DGCR2: variants seen among roughly 807,000 people sequenced by gnomAD.
DGCR2 encodes integral membrane protein DGCR2/IDD.
In DGCR2, 24 loss-of-function variants were observed where a neutral mutation model predicts 51.6. That is an observed-to-expected ratio of 0.47 (90% CI 0.34 to 0.65). DGCR2 has a LOEUF of 0.65. Among genes scored for constraint, DGCR2 ranks in the 30% least tolerant of loss-of-function variants. The pLI, the probability that DGCR2 is intolerant of heterozygous loss-of-function variation, is 0.01. For missense variants in DGCR2, 765 were observed against 772.1 expected, an observed-to-expected ratio of 0.99 and a Z score of 0.11; for synonymous variants, 340 against 315.4, an observed-to-expected ratio of 1.08 and a Z score of -0.82.
chr22:19,082,715 A>ACTCCAGC (rs1015503943), intron 2 of DGCR2, among the ~76,000 whole-genome samples: 12 of 151,532 alleles, frequency 7.9e-5, no homozygotes, highest in African/African-American at 2.2e-4. Context: ...GCACCACTGC[A>ACTCCAGC]CTCCAGCCTC....
At chr22:19,082,876 C>T (rs2082956462) in intron 2 of DGCR2, among the ~76,000 whole-genome samples, 1 of 152,108 alleles carries the variant, frequency 6.6e-6, no homozygotes, top group Non-Finnish European at 1.5e-5. Context: ...ACTGCTTAAA[C>T]TCGTGAGTTA....
chr22:19,041,123 G>A lies in DGCR2; in HGVS notation c.1331C>T (p.Pro444Leu). The change falls in exon 9 of 10, where the codon CCC (proline) becomes CTC (leucine). Residue 444 changes from proline (P) to leucine (L), a missense_variant. Physicochemically the swap from Pro to Leu is moderately conservative, Grantham distance 98. Transcript: ENST00000263196. ...CTCGTAGGGCGGCGGAGGGTCGTCG[G>A]GCTGGCCGATGTCCGGGTACTTGTA... is the stretch of plus-strand genomic sequence containing the variant. ...TAYKYPDIGQ[P>L]DDPPPPYEAS... is the part of the protein sequence containing the mutation. The A allele has an allele frequency of 6.2e-7, 1 of 1,613,938 alleles. No homozygotes were observed. Among genetic ancestry groups the A allele is most frequent in the Non-Finnish European group, 8.5e-7 (1 of 1,179,900 alleles).
At chr22:19,060,822 G>A (rs1423392079) in intron 5 of DGCR2, 3 of 504,830 alleles carry the variant, frequency 5.9e-6, no homozygotes, top group South Asian at 4.3e-5. Flanking sequence ...GCCTGGGGGA[G>A]CGCCTGGAGA....
intron 2 of DGCR2, among the ~76,000 whole-genome samples, chr22:19,088,144 T>C (rs1005143163): frequency 1.3e-5 from 2 of 152,204 alleles, no homozygotes; most frequent in Non-Finnish European, 2.9e-5. Flanking sequence ...ACTAAGCCTA[T>C]AGGAATTACA....
chr22:19,115,732 T>C (rs2083366719), intron 1 of DGCR2, among the ~76,000 whole-genome samples: 1 of 152,202 alleles, frequency 6.6e-6, no homozygotes, highest in African/African-American at 2.4e-5. Flanking sequence ...CAAAGCACCA[T>C]GGCTGTTTCG....
intron 2 of DGCR2, among the ~76,000 whole-genome samples, chr22:19,082,916 C>A (rs1023921878): frequency 6.6e-6 from 1 of 151,984 alleles, no homozygotes; most frequent in African/African-American, 2.4e-5. Flanking sequence ...TGGCGAAACA[C>A]CGATTCTACG....
intron 2 of DGCR2, among the ~76,000 whole-genome samples, chr22:19,068,779 T>G (rs1024378029): frequency 6.6e-6 from 1 of 152,246 alleles, no homozygotes; most frequent in Non-Finnish European, 1.5e-5. Flanking sequence ...GTCTGGCTCT[T>G]TGGTGCTTGG....
At chr22:19,077,917 G>C (rs5993508) in intron 2 of DGCR2, among the ~76,000 whole-genome samples, 62,283 of 151,220 alleles carry the variant, frequency 0.41, 13,251 homozygotes, top group African/African-American at 0.53. Flanking sequence ...CAATCTTCAC[G>C]TTCTGGGTTC....
intron 1 of DGCR2, among the ~76,000 whole-genome samples, chr22:19,117,370 G>A (rs1184105224): frequency 2.0e-5 from 3 of 152,228 alleles, no homozygotes; most frequent in Non-Finnish European, 2.9e-5. Flanking sequence ...GACATGCAGT[G>A]ATGCCAGCTT....
At chr22:19,059,779 G>A (rs564479372) in intron 5 of DGCR2, among the ~76,000 whole-genome samples, 1 of 152,160 alleles carries the variant, frequency 6.6e-6, no homozygotes, top group South Asian at 2.1e-4. Context: ...ACTGATACAC[G>A]AGGGCATCTG....
At chr22:19,062,643 A>G (rs2082678681) in intron 5 of DGCR2, among the ~76,000 whole-genome samples, 1 of 152,036 alleles carries the variant, frequency 6.6e-6, no homozygotes, top group Non-Finnish European at 1.5e-5. Flanking sequence ...GTGCCAGGGC[A>G]ATGGGACAGG....
At chr22:19,111,475 C>A (rs765193880) in intron 1 of DGCR2, among the ~76,000 whole-genome samples, 6 of 152,214 alleles carry the variant, frequency 3.9e-5, no homozygotes, top group Non-Finnish European at 8.8e-5. Flanking sequence ...GTTTCCTGTT[C>A]TTGCTTCTAC....
At chr22:19,116,030 T>C (rs1366989464) in intron 1 of DGCR2, among the ~76,000 whole-genome samples, 1 of 152,210 alleles carries the variant, frequency 6.6e-6, no homozygotes, top group African/African-American at 2.4e-5. Flanking sequence ...TCACAACATC[T>C]CTATAAAGCT....
rs2082394283 is a variant in DGCR2 at position 19,038,421 on chromosome 22, G to T, written c.*444C>A. ...GACGGTCCAGAGGCCCCCTCCTGAG[G>T]GCGGCCAGCAAGGGGCACTGTGGCA... On this transcript the variant is annotated 3_prime_UTR_variant, in exon 10 of 10. Coordinates refer to ENST00000263196, the MANE Select transcript of DGCR2 (RefSeq NM_005137.3). The T allele has an allele frequency of 5.9e-6, 1 of 168,608 alleles. No homozygotes were observed. The highest frequency in any genetic ancestry group is 5.6e-5 in the Admixed American group (1 of 17,902). 10.4% of individuals were successfully genotyped at this position (168,608 alleles called of 1,614,324 possible).
In DGCR2 at chr22:19,057,255, T is replaced by C; in HGVS notation, c.626-93A>G. ...GGGACCATGGCGTCAGACAGGATCATCAACCACAGGGCCTGGACCGCCAAG... is the reference window on the plus strand; with the variant it reads ...GGGACCATGGCGTCAGACAGGATCACCAACCACAGGGCCTGGACCGCCAAG... On this transcript the variant is annotated intron_variant, in intron 5 of 9. Coordinates refer to ENST00000263196, the MANE Select transcript of DGCR2 (RefSeq NM_005137.3). This position sits in a 1 kb window ranked among gnomAD's most constrained non-coding sequence, Gnocchi z 5.1. 7.4e-7 allele frequency: 1 copy of C among 1,348,760 alleles called. No homozygotes were observed. Among genetic ancestry groups the C allele is most frequent in the Non-Finnish European group, 1.0e-6 (1 of 1,002,414 alleles). The allele number at this position is 1,348,760 out of a possible 1,614,324, so 83.5% of individuals were successfully genotyped here.
chr22:19,075,773 A>C (rs1382828630), intron 2 of DGCR2, among the ~76,000 whole-genome samples: 2 of 152,190 alleles, frequency 1.3e-5, no homozygotes, highest in Admixed American at 1.3e-4. Flanking sequence ...TTCCTTTTTA[A>C]GGTAAACCAT....
At chr22:19,086,538 A>C (rs1406039852) in intron 2 of DGCR2, among the ~76,000 whole-genome samples, 1 of 152,052 alleles carries the variant, frequency 6.6e-6, no homozygotes, top group Non-Finnish European at 1.5e-5. Context: ...GCACTATACA[A>C]GGACAATCAT....
chr22:19,115,718 T>A (rs1245853105), intron 1 of DGCR2, among the ~76,000 whole-genome samples: 2 of 152,212 alleles, frequency 1.3e-5, no homozygotes, highest in African/African-American at 4.8e-5. Flanking sequence ...ATCCCAGCCC[T>A]GTCCAAAGCA....
intron 1 of DGCR2, among the ~76,000 whole-genome samples, chr22:19,120,664 C>T (rs2083422069): frequency 1.3e-5 from 2 of 152,184 alleles, no homozygotes; most frequent in South Asian, 4.1e-4. Context: ...CATAATATGG[C>T]CTCACCTGAG....
Sources: allele counts gnomAD v4.1 joint callset (sites outside exome capture counted in the v4.1 genomes callset), GRCh38; gene constraint gnomAD v4.1.1; non-coding constraint Gnocchi (gnomAD v3.1); transcripts MANE v1.5; gene names NCBI Gene and HGNC (gene_info 2026-07-23, HGNC 2026-07-21).